Variants in NACC2 observed in about 807,000 individuals in gnomAD.
NACC2 encodes the protein nucleus accumbens-associated protein 2.
In NACC2, 8 loss-of-function variants were observed where a neutral mutation model predicts 25.1. The ratio of observed to expected loss-of-function variants is 0.32; its 90% CI spans 0.19 to 0.57. The LOEUF is 0.57. NACC2 is among the 20% of genes least tolerant of loss of function. The pLI is 0.89. For synonymous variants in NACC2, 435 were observed against 294.7 expected (o/e 1.48, Z -4.88); for missense variants, 644 against 650.2 (o/e 0.99, Z 0.10).
chr9:136,032,288 A>G (rs905199587), intron 2 of NACC2, among the ~76,000 whole-genome samples: 3 of 152,252 alleles, frequency 2.0e-5, no homozygotes, highest in Non-Finnish European at 4.4e-5. Context: ...AAAGCAGTCA[A>G]TGCAACTAAG....
intron 1 of NACC2, among the ~76,000 whole-genome samples, chr9:136,051,717 G>T (rs1840842183): frequency 6.6e-6 from 1 of 152,152 alleles, no homozygotes; most frequent in Non-Finnish European, 1.5e-5. Context: ...TTGCCGGCCG[G>T]TCGGGAAGAC....
At chr9:136,093,058 G>T (rs1830449342) in intron 1 of NACC2, among the ~76,000 whole-genome samples, 1 of 152,176 alleles carries the variant, frequency 6.6e-6, no homozygotes, top group Admixed American at 6.5e-5. Context: ...GCGTTCCAGG[G>T]ACACAGGTCA....
chr9:136,086,220 C>T lies in NACC2; in HGVS notation c.-60+8969G>A, dbSNP rs1588585357. ...TCCATGGGCCTTCAGAGCAGCAAAGCGCAGTGCCTGCCTTCCTGTGAGAGA... is the reference window on the plus strand; with the variant it reads ...TCCATGGGCCTTCAGAGCAGCAAAGTGCAGTGCCTGCCTTCCTGTGAGAGA... On this transcript the variant is annotated intron_variant, in intron 1 of 5. Transcript: ENST00000277554. This position sits in a 1 kb window ranked among gnomAD's most constrained non-coding sequence, Gnocchi z 5.6. Among the ~76,000 whole-genome samples the T allele has an allele frequency of 6.6e-6, 1 of 152,228 alleles. No individual in the cohort carries two copies. The highest frequency in any genetic ancestry group is 1.9e-4 in the East Asian group (1 of 5,194).
chr9:136,079,523 G>C (rs1830299480), intron 1 of NACC2, among the ~76,000 whole-genome samples: 2 of 152,186 alleles, frequency 1.3e-5, no homozygotes, highest in Non-Finnish European at 2.9e-5. Flanking sequence ...TCACCCGCAG[G>C]CATGGGCACC....
rs1163209247 is a variant in NACC2, at chr9:136,041,039, AAAGG to A, written c.886+8593_886+8596del. Among the ~76,000 whole-genome samples, 966 of 150,168 alleles carry A rather than the reference AAAGG, an allele frequency of 6.4e-3. 5 individuals are homozygous for A. Among genetic ancestry groups the A allele is most frequent in the Non-Finnish European group, 9.6e-3 (642 of 67,188 alleles). On this transcript the variant is annotated intron_variant, in intron 2 of 5. Coordinates refer to ENST00000277554, the MANE Select transcript of NACC2 (RefSeq NM_144653.5). Reference sequence around the variant, plus strand: ...GGAAAGGAAAGGAAAGAAGGAAAGAAAAGGAAGGAAGGAAGGAAGGAAAGGAAGG... The same window carrying A: ...GGAAAGGAAAGGAAAGAAGGAAAGAAAAGGAAGGAAGGAAGGAAAGGAAGG...
intron 1 of NACC2, among the ~76,000 whole-genome samples, chr9:136,082,111 G>A (rs974602359): frequency 6.6e-6 from 1 of 152,142 alleles, no homozygotes; most frequent in Non-Finnish European, 1.5e-5. Context: ...ACGACCTGCC[G>A]GGGCCCTGGG....
At chr9:136,012,069 A>G in intron 5 of NACC2, 45 bp from the exon 6 acceptor site, 2 of 1,467,950 alleles carry the variant, frequency 1.4e-6, no homozygotes, top group Non-Finnish European at 1.8e-6. Context: ...GCCTGCCGGG[A>G]GGCCCGCCCC....
intron 1 of NACC2, among the ~76,000 whole-genome samples, chr9:136,052,939 G>A (rs1020590654): frequency 6.6e-6 from 1 of 152,206 alleles, no homozygotes; most frequent in Non-Finnish European, 1.5e-5. Context: ...GCCTCTCTGC[G>A]TGGGGCCCTG....
intron 1 of NACC2, among the ~76,000 whole-genome samples, chr9:136,077,140 C>A (rs1486759315): frequency 7.0e-6 from 1 of 143,210 alleles, no homozygotes; most frequent in African/African-American, 2.6e-5. Context: ...GATTGCGCCA[C>A]TACACTCCAG....
intron 1 of NACC2, among the ~76,000 whole-genome samples, chr9:136,058,157 A>G (rs541554365): frequency 2.0e-5 from 3 of 152,170 alleles, no homozygotes; most frequent in Non-Finnish European, 4.4e-5. Context: ...CCTGGCTGGC[A>G]AGGGGGCTGC....
intron 1 of NACC2, among the ~76,000 whole-genome samples, chr9:136,057,136 G>A (rs1336773299): frequency 1.3e-5 from 2 of 152,206 alleles, no homozygotes; most frequent in East Asian, 1.9e-4. Context: ...TGCCCGTGGC[G>A]TTGGCTCTGC....
intron 1 of NACC2, among the ~76,000 whole-genome samples, chr9:136,051,912 A>ATGG (rs1339043457): frequency 3.2e-5 from 2 of 61,842 alleles, no homozygotes; most frequent in Admixed American, 1.7e-4. Context: ...GGAGGAGGAG[A>ATGG]TGGTGGAGGA....
In NACC2 at chr9:136,044,181, G is replaced by A. The variant is rs923872890; in HGVS notation, c.886+5455C>T. On this transcript the variant is annotated intron_variant, in intron 2 of 5. Transcript: ENST00000277554. ...GGGAGGAGAGAACAATGGCCTAGAC[G>A]GGCCACACCACAGATGCACCATATC... Among the ~76,000 whole-genome samples, 43 of 152,152 alleles carry A rather than the reference G, an allele frequency of 2.8e-4. 1 individual carries two copies. The highest frequency in any genetic ancestry group is 6.8e-3 in the Middle Eastern group (2 of 294).
chr9:136,059,394 C>T (rs1287708198), intron 1 of NACC2, among the ~76,000 whole-genome samples: 7 of 152,198 alleles, frequency 4.6e-5, no homozygotes, highest in East Asian at 3.8e-4. Flanking sequence ...GAAGCCAGCA[C>T]GGGGGCTGCG....
intron 1 of NACC2, among the ~76,000 whole-genome samples, chr9:136,076,277 A>T (rs1412359805): frequency 1.3e-5 from 2 of 152,092 alleles, no homozygotes; most frequent in Admixed American, 1.3e-4. Flanking sequence ...CTAACCCAAC[A>T]ATCTATCCAG....
intron 2 of NACC2, among the ~76,000 whole-genome samples, chr9:136,046,487 G>A (rs1363773146): frequency 6.6e-6 from 1 of 152,206 alleles, no homozygotes; most frequent in Non-Finnish European, 1.5e-5. Context: ...GGCCCAGGAG[G>A]GCGCCCTGAA....
chr9:136,065,794 G>A (rs1841071788), intron 1 of NACC2, among the ~76,000 whole-genome samples: 1 of 148,040 alleles, frequency 6.8e-6, no homozygotes, highest in Admixed American at 6.8e-5. Context: ...CAGCCTGGGT[G>A]ACAGAGACCC....
chr9:136,052,071 C>T (rs948780321), intron 1 of NACC2, among the ~76,000 whole-genome samples: 2 of 152,232 alleles, frequency 1.3e-5, no homozygotes, highest in Non-Finnish European at 2.9e-5. Context: ...GAATGAATAG[C>T]CGCCTTTGAT....
chr9:136,071,232 G>A lies in NACC2; in HGVS notation c.-59-20652C>T, dbSNP rs928303794. Among the ~76,000 whole-genome samples the A allele has an allele frequency of 4.6e-5, 7 of 150,916 alleles. No individual in the cohort carries two copies. The South Asian group carries it at 1.0e-3, about 22-fold the overall frequency. On this transcript the variant is annotated intron_variant, in intron 1 of 5. Coordinates refer to ENST00000277554, the MANE Select transcript of NACC2 (RefSeq NM_144653.5). ...AGCCTGGGAGACAGAGCAAGACTAC[G>A]TCTCAAAAAAAATAAAGTAAAATTT... is the stretch of plus-strand genomic sequence containing the variant.
Sources: gnomAD v4.1 joint callset for allele counts (sites outside exome capture counted in the v4.1 genomes callset) on GRCh38, gnomAD v4.1.1 for gene constraint, Gnocchi (gnomAD v3.1) non-coding constraint, MANE v1.5 for transcripts, NCBI Gene and HGNC (gene_info 2026-07-23, HGNC 2026-07-21) for gene names.